Variants in CLVS1 observed in about 807,000 individuals in gnomAD.
CLVS1 encodes the protein clavesin-1.
Under a neutral mutation model 33.1 loss-of-function variants are expected in CLVS1, and 10 were observed. That is an observed-to-expected ratio of 0.30 (90% CI 0.19 to 0.51). The LOEUF is 0.51. CLVS1 is among the 20% of genes least tolerant of loss of function. The pLI, the probability that CLVS1 is intolerant of heterozygous loss-of-function variation, is 0.97. For synonymous variants in CLVS1, 163 were observed against 166.1 expected (o/e 0.98, Z 0.14); for missense variants, 343 against 433.4 (o/e 0.79, Z 1.85).
At chr8:61,391,065 T>C (rs1814285017) in intron 3 of CLVS1, 1 of 152,162 alleles carries the variant, frequency 6.6e-6, no homozygotes, top group Non-Finnish European at 1.5e-5. Flanking sequence ...TAACTATTTC[T>C]CTATGTATTT....
At chr8:61,477,711 A>G (rs1471080971) in intron 5 of CLVS1, among the ~76,000 whole-genome samples, 1 of 151,992 alleles carries the variant, frequency 6.6e-6, no homozygotes, top group Non-Finnish European at 1.5e-5. Flanking sequence ...TAGTCTTGCT[A>G]GTGGTCTATC....
intron 2 of CLVS1, among the ~76,000 whole-genome samples, chr8:61,149,278 G>A (rs767399060): frequency 6.6e-5 from 10 of 152,092 alleles, no homozygotes; most frequent in Non-Finnish European, 1.2e-4. Context: ...TCAGCCAGGC[G>A]CAATGGCTCA....
At chr8:61,113,622 G>T (rs1202546277) in intron 1 of CLVS1, among the ~76,000 whole-genome samples, 1 of 152,162 alleles carries the variant, frequency 6.6e-6, no homozygotes, top group Admixed American at 6.5e-5. Flanking sequence ...TGGACCCAGG[G>T]AAGTTTTTCA....
At chr8:61,175,350 T>C (rs1182325263) in intron 2 of CLVS1, among the ~76,000 whole-genome samples, 2 of 152,172 alleles carry the variant, frequency 1.3e-5, no homozygotes, top group Non-Finnish European at 2.9e-5. Flanking sequence ...AGGCACCATC[T>C]ATGAACCAGG....
At chr8:60,989,709 A>G in the CLVS1 span, among the ~76,000 whole-genome samples, 1 of 152,224 alleles carries the variant, frequency 6.6e-6, no homozygotes, top group South Asian at 2.1e-4. Context: ...GCCAGTTTTC[A>G]GGAAAACCTG....
rs148093679 is a variant in CLVS1, at chr8:61,415,054, G to A, written c.630+38275G>A. ...GGTTTCCCAGTCCAAAAAACCGAGC[G>A]ATTGCAATGCTGCTCTGGGCAAAGG... On this transcript the variant is annotated intron_variant, in intron 3 of 5. Coordinates refer to ENST00000325897, the MANE Select transcript of CLVS1 (RefSeq NM_173519.3). Among the ~76,000 whole-genome samples the A allele has an allele frequency of 6.6e-5, 10 of 152,376 alleles. No individual in the cohort carries two copies. The East Asian group carries it at 9.6e-4, about 15-fold the overall frequency.
chr8:61,475,506 T>C (rs1233494820), intron 5 of CLVS1, among the ~76,000 whole-genome samples: 1 of 152,252 alleles, frequency 6.6e-6, no homozygotes, highest in East Asian at 1.9e-4. Context: ...TGTGAGATGG[T>C]ATCTCATTGT....
At chr8:61,446,077 T>C (rs183705175) in intron 3 of CLVS1, among the ~76,000 whole-genome samples, 3 of 152,284 alleles carry the variant, frequency 2.0e-5, no homozygotes, top group East Asian at 3.9e-4. Flanking sequence ...GCTAATAGTT[T>C]GTTAATTTTA....
At chr8:61,236,572 G>A (rs1370231323) in intron 2 of CLVS1, among the ~76,000 whole-genome samples, 1 of 152,100 alleles carries the variant, frequency 6.6e-6, no homozygotes, top group Non-Finnish European at 1.5e-5. Flanking sequence ...TTTTACAAAT[G>A]CAGCAGCAGC....
intron 5 of CLVS1, 29 bp downstream of exon 5, chr8:61,458,571 C>T (rs552307897): frequency 1.4e-6 from 2 of 1,461,718 alleles, no homozygotes; most frequent in Admixed American, 2.2e-5. Flanking sequence ...GAGCCCCCCC[C>T]CCAGTCAGAG....
intron 2 of CLVS1, among the ~76,000 whole-genome samples, chr8:61,174,436 AAAAC>A (rs144200333): frequency 0.6 from 89,703 of 150,476 alleles, 27,708 homozygotes; most frequent in Middle Eastern, 0.78. Context: ...ACTGTCTCAA[AAAAC>A]AAACAAACAA....
At chr8:61,137,631 C>T (rs1229908706) in intron 2 of CLVS1, among the ~76,000 whole-genome samples, 1 of 152,174 alleles carries the variant, frequency 6.6e-6, no homozygotes, top group East Asian at 1.9e-4. Context: ...ACACTCTTGC[C>T]AGACTGTTTC....
At position 61,406,596 on chromosome 8, in the gene CLVS1, T is replaced by C. The variant is rs80102890; in HGVS notation, c.630+29817T>C. Among the ~76,000 whole-genome samples the C allele has an allele frequency of 1.7e-4, 26 of 151,784 alleles. No homozygotes were observed. In the East Asian group the frequency reaches 4.6e-3, roughly 27 times the overall value. On this transcript the variant is annotated intron_variant, in intron 3 of 5. Transcript: ENST00000325897. ...TTAATTCACATGATTCCAGGAGGTT[T>C]GACATAGATTTGTTTTTTTTGTGGG...
At chr8:60,979,699 T>A in the CLVS1 span, among the ~76,000 whole-genome samples, 1 of 152,160 alleles carries the variant, frequency 6.6e-6, no homozygotes, top group Non-Finnish European at 1.5e-5. Context: ...GAGGAAGTGG[T>A]GCTTAGAAAG....
rs56322834 is a variant in CLVS1 at position 61,059,475 on chromosome 8, CATATATAT to C, written c.-243+2263_-243+2270del. 3.7e-3 allele frequency among the ~76,000 whole-genome samples: 186 copies of C among 50,208 alleles called. 5 individuals are homozygous for C. Among genetic ancestry groups the C allele is most frequent in the African/African-American group, 9.0e-3 (151 of 16,824 alleles). 32.9% of individuals were successfully genotyped at this position (50,208 alleles called of 152,430 possible). On this transcript the variant is annotated intron_variant, in intron 1 of 2. Transcript: ENST00000522621. ...ACACACACATATACATACATACATA[CATATATAT>C]ATATATATATATATATACACATATC...
At chr8:61,236,118 C>T (rs947066342) in intron 2 of CLVS1, among the ~76,000 whole-genome samples, 5 of 152,120 alleles carry the variant, frequency 3.3e-5, no homozygotes, top group African/African-American at 9.7e-5. Context: ...GATTCTGAGG[C>T]GAGCTTCCTT....
chr8:61,395,851 G>A lies in CLVS1; in HGVS notation c.630+19072G>A, dbSNP rs115886708. 7.7e-3 allele frequency among the ~76,000 whole-genome samples: 1,169 copies of A among 152,194 alleles called. 9 individuals carry two copies. Among genetic ancestry groups the A allele is most frequent in the African/African-American group, 0.026 (1,095 of 41,530 alleles). On this transcript the variant is annotated intron_variant, in intron 3 of 5. Transcript: ENST00000325897. ...GCTAGTTAGTGACACAACTAGAAAC[G>A]TCATCATAAACTTCAGGAGTGGGTT...
rs1373941540 is a variant in CLVS1 at position 61,488,344 on chromosome 8, A to T, written c.978-11111A>T. Among the ~76,000 whole-genome samples the T allele has an allele frequency of 2.0e-5, 3 of 152,242 alleles. No individual in the cohort carries two copies. The South Asian group carries it at 6.2e-4, about 31-fold the overall frequency. ...GATTTGGGCACAACGCAAGCTAGTT[A>T]TGACCTTGAATGCTCTCACACTTCA... On this transcript the variant is annotated intron_variant, in intron 5 of 5. Coordinates refer to ENST00000325897, the MANE Select transcript of CLVS1 (RefSeq NM_173519.3).
intron 2 of CLVS1, among the ~76,000 whole-genome samples, chr8:61,271,917 G>A (rs536981001): frequency 6.6e-6 from 1 of 151,818 alleles, no homozygotes; most frequent in South Asian, 2.1e-4. Flanking sequence ...GTCTCTGCAC[G>A]TGAGATGGGT....
Sources: gnomAD v4.1 joint callset for allele counts (sites outside exome capture counted in the v4.1 genomes callset) on GRCh38, gnomAD v4.1.1 for gene constraint, MANE v1.5 for transcripts, NCBI Gene and HGNC (gene_info 2026-07-23, HGNC 2026-07-21) for gene names.